The following RSRC1 variants were observed in gnomAD, a reference collection of about 807,000 sequenced individuals.
The protein encoded by RSRC1 is serine/Arginine-related protein 53.
In RSRC1, 39 loss-of-function variants were observed where a neutral mutation model predicts 49.1. That is an observed-to-expected ratio of 0.79 (90% CI 0.61 to 1.04). RSRC1 has a LOEUF of 1.04. RSRC1 is among the 50% of genes least tolerant of loss of function. RSRC1 has a pLI of 0.00. For synonymous variants in RSRC1, 143 were observed against 130.8 expected (o/e 1.09, Z -0.63); for missense variants, 388 against 402.4 (o/e 0.96, Z 0.31).
At chr3:158,379,801 A>G (rs1458932655) in intron 6 of RSRC1, among the ~76,000 whole-genome samples, 1 of 106,880 alleles carries the variant, frequency 9.4e-6, no homozygotes, top group Non-Finnish European at 2.1e-5. Flanking sequence ...CATACATACA[A>G]ACACACGCGC....
chr3:158,401,216 T>A (rs150302456), intron 6 of RSRC1, among the ~76,000 whole-genome samples: 1 of 152,126 alleles, frequency 6.6e-6, no homozygotes, highest in African/African-American at 2.4e-5. Flanking sequence ...ATCCCCATCA[T>A]TAAGAGACAC....
At position 158,533,267 on chromosome 3, in the gene RSRC1, T is replaced by C. The variant is rs1271474592; in HGVS notation, c.653-3825T>C. 2.6e-5 allele frequency among the ~76,000 whole-genome samples: 4 copies of C among 151,760 alleles called. 1 individual carries two copies. The highest frequency in any genetic ancestry group is 9.7e-5 in the African/African-American group (4 of 41,398). ...TACAACCAGTAAAATGATTCCCACATTGAAACAAAAAAGCTATGTTGGTGT... is the reference window on the plus strand; with the variant it reads ...TACAACCAGTAAAATGATTCCCACACTGAAACAAAAAAGCTATGTTGGTGT... On this transcript the variant is annotated intron_variant, in intron 7 of 9. Coordinates refer to ENST00000611884, the MANE Select transcript of RSRC1 (RefSeq NM_001271838.2).
At chr3:158,197,148 G>A (rs1720678728) in intron 3 of RSRC1, among the ~76,000 whole-genome samples, 2 of 152,140 alleles carry the variant, frequency 1.3e-5, no homozygotes, top group Non-Finnish European at 2.9e-5. Flanking sequence ...TTTTTGGTTG[G>A]TAAGCTATTA....
chr3:158,469,460 G>A (rs1738030706), intron 7 of RSRC1: 3 of 414,008 alleles, frequency 7.2e-6, no homozygotes, highest in South Asian at 3.6e-5. Context: ...TTAATACCAT[G>A]CAAAGTCTTA....
chr3:158,322,314 C>G (rs1168178415), intron 5 of RSRC1, among the ~76,000 whole-genome samples: 1 of 152,174 alleles, frequency 6.6e-6, no homozygotes, highest in African/African-American at 2.4e-5. Context: ...CCTGGCTGAT[C>G]TTGAACTCCT....
At chr3:158,476,481 C>CT (rs1189281995) in intron 7 of RSRC1, among the ~76,000 whole-genome samples, 1 of 152,084 alleles carries the variant, frequency 6.6e-6, no homozygotes, top group Non-Finnish European at 1.5e-5. Context: ...CAGCTGGTGA[C>CT]TTTAAGTTTG....
intron 3 of RSRC1, among the ~76,000 whole-genome samples, chr3:158,150,738 G>A (rs1717479091): frequency 6.6e-6 from 1 of 152,094 alleles, no homozygotes; most frequent in Non-Finnish European, 1.5e-5. Flanking sequence ...TGGAGTTTTG[G>A]AAATCTGTGG....
At chr3:158,495,989 A>C (rs1314880262) in intron 7 of RSRC1, among the ~76,000 whole-genome samples, 1 of 152,236 alleles carries the variant, frequency 6.6e-6, no homozygotes, top group East Asian at 1.9e-4. Flanking sequence ...CTATATATAC[A>C]TACACACATA....
intron 3 of RSRC1, among the ~76,000 whole-genome samples, chr3:158,133,440 C>A (rs369689407): frequency 6.6e-6 from 1 of 152,084 alleles, no homozygotes; most frequent in Non-Finnish European, 1.5e-5. Flanking sequence ...CAAGACAGTA[C>A]GATGCAAATA....
chr3:158,384,666 T>A (rs774800725), intron 6 of RSRC1, among the ~76,000 whole-genome samples: 2 of 152,084 alleles, frequency 1.3e-5, no homozygotes, highest in Admixed American at 6.6e-5. Context: ...TTGTAAGAGG[T>A]CTGCCTCAAC....
chr3:158,486,316 G>A (rs372539969), intron 7 of RSRC1, among the ~76,000 whole-genome samples: 4 of 152,206 alleles, frequency 2.6e-5, no homozygotes. Flanking sequence ...TATGGAAACT[G>A]GATCACTGCC....
intron 4 of RSRC1, among the ~76,000 whole-genome samples, chr3:158,273,028 A>G (rs975712653): frequency 6.6e-6 from 1 of 151,732 alleles, no homozygotes; most frequent in Non-Finnish European, 1.5e-5. Flanking sequence ...TTGAGAGGTT[A>G]AAAAAAAGAA....
chr3:158,207,346 C>A (rs575540140), intron 4 of RSRC1, among the ~76,000 whole-genome samples: 29 of 152,152 alleles, frequency 1.9e-4, no homozygotes, highest in African/African-American at 6.5e-4. Context: ...TCTTACTTTC[C>A]CACCTCAGCA....
At chr3:158,136,402 A>C (rs549259129) in intron 3 of RSRC1, among the ~76,000 whole-genome samples, 3 of 152,188 alleles carry the variant, frequency 2.0e-5, no homozygotes, top group Non-Finnish European at 2.9e-5. Context: ...CATTGATGCT[A>C]TTGCTTGCTT....
chr3:158,494,679 C>T (rs1358619677), intron 7 of RSRC1, among the ~76,000 whole-genome samples: 1 of 152,066 alleles, frequency 6.6e-6, no homozygotes. Context: ...TTAAGCATTT[C>T]CTCTATTTGC....
chr3:158,513,986 G>C (rs1740352707), intron 7 of RSRC1, among the ~76,000 whole-genome samples: 1 of 151,980 alleles, frequency 6.6e-6, no homozygotes, highest in South Asian at 2.1e-4. Flanking sequence ...ATTTTTTATT[G>C]CGTCTATTTG....
intron 7 of RSRC1, among the ~76,000 whole-genome samples, chr3:158,501,409 T>G (rs1739585633): frequency 6.6e-6 from 1 of 152,204 alleles, no homozygotes; most frequent in Admixed American, 6.5e-5. Context: ...ATCCAGTTTC[T>G]TTGTTGACTT....
chr3:158,506,940 G>T (rs1055350695), intron 7 of RSRC1, among the ~76,000 whole-genome samples: 1 of 151,770 alleles, frequency 6.6e-6, no homozygotes, highest in African/African-American at 2.4e-5. Flanking sequence ...CTGCACCCTT[G>T]TGTTTATTGC....
At chr3:158,155,057 C>A (rs951754794) in intron 3 of RSRC1, among the ~76,000 whole-genome samples, 1 of 152,076 alleles carries the variant, frequency 6.6e-6, no homozygotes, top group African/African-American at 2.4e-5. Context: ...GCAATGACTT[C>A]CTCCACTGAA....
Sources: gnomAD v4.1 joint callset for allele counts (sites outside exome capture counted in the v4.1 genomes callset) on GRCh38, gnomAD v4.1.1 for gene constraint, MANE v1.5 for transcripts, NCBI Gene and HGNC (gene_info 2026-07-23, HGNC 2026-07-21) for gene names.